LHFPL3: variants seen among roughly 807,000 people sequenced by gnomAD.
LHFPL3 encodes the protein LHFPL tetraspan subfamily member 3 protein.
LHFPL3 carries 5 observed loss-of-function variants against 19.3 expected under a neutral mutation model. The ratio of observed to expected loss-of-function variants is 0.26; its 90% CI spans 0.14 to 0.54. LHFPL3 has a LOEUF of 0.54. Ranked by LOEUF, LHFPL3 falls within the 20% of genes least tolerant of loss-of-function variation. The pLI is 0.94. For missense variants in LHFPL3, 249 were observed against 307.4 expected (o/e 0.81, Z 1.42); for synonymous variants, 133 against 126.2 (o/e 1.05, Z -0.36).
intron 1 of LHFPL3, among the ~76,000 whole-genome samples, chr7:104,635,821 G>C (rs192895062): frequency 4.7e-4 from 72 of 152,200 alleles, no homozygotes; most frequent in Non-Finnish European, 9.3e-4. Context: ...CCAGAGCTCA[G>C]TCCATCAAAG....
intron 1 of LHFPL3, among the ~76,000 whole-genome samples, chr7:104,730,573 C>T (rs11535280): frequency 0.14 from 20,598 of 150,874 alleles, 1,689 homozygotes; most frequent in Non-Finnish European, 0.18. Context: ...ATATCCTTCG[C>T]CCACTTTTTG....
chr7:104,891,469 G>C (rs1166036499), intron 2 of LHFPL3, among the ~76,000 whole-genome samples: 1 of 152,106 alleles, frequency 6.6e-6, no homozygotes, highest in African/African-American at 2.4e-5. Context: ...AGTGACAACA[G>C]CATTAATCCA....
intron 1 of LHFPL3, among the ~76,000 whole-genome samples, chr7:104,476,715 C>A (rs1192727399): frequency 1.3e-5 from 2 of 152,176 alleles, no homozygotes; most frequent in Non-Finnish European, 2.9e-5. Flanking sequence ...CCACCTCAGC[C>A]TCCCAGAGTG....
chr7:104,462,592 T>G (rs1290064624), intron 1 of LHFPL3, among the ~76,000 whole-genome samples: 1 of 152,260 alleles, frequency 6.6e-6, no homozygotes, highest in Non-Finnish European at 1.5e-5. Flanking sequence ...TGAAGCCTAT[T>G]TGATCATGGT....
chr7:104,725,508 C>A (rs1283173968), intron 1 of LHFPL3, among the ~76,000 whole-genome samples: 1 of 151,988 alleles, frequency 6.6e-6, no homozygotes, highest in Admixed American at 6.6e-5. Flanking sequence ...ATGTAAAAAA[C>A]ATTTCAAATA....
intron 1 of LHFPL3, among the ~76,000 whole-genome samples, chr7:104,660,285 G>A (rs1351171424): frequency 6.6e-6 from 1 of 152,218 alleles, no homozygotes; most frequent in East Asian, 1.9e-4. Context: ...ACAGGCGTGA[G>A]CCACCACGCC....
chr7:104,406,199 C>G (rs1183377861), intron 1 of LHFPL3, among the ~76,000 whole-genome samples: 1 of 152,144 alleles, frequency 6.6e-6, no homozygotes, highest in South Asian at 2.1e-4. Context: ...CTGGGATCCA[C>G]GAATGAGGTG....
intron 2 of LHFPL3, among the ~76,000 whole-genome samples, chr7:104,899,290 C>A (rs1444042853): frequency 1.3e-5 from 2 of 151,998 alleles, no homozygotes; most frequent in Non-Finnish European, 2.9e-5. Context: ...TAGAGTTACC[C>A]AGCTGGTAAG....
rs112719513 is a variant in LHFPL3 at position 104,383,027 on chromosome 7, A to G, written c.445+53803A>G. 2.8e-3 allele frequency among the ~76,000 whole-genome samples: 427 copies of G among 152,346 alleles called. 6 individuals carry two copies. The highest frequency in any genetic ancestry group is 2.2e-3 in the Non-Finnish European group (148 of 68,032). On this transcript the variant is annotated intron_variant, in intron 1 of 2. Transcript: ENST00000424859. ...CTGAGGCGCCGTGAGGCGCTAATACATGGCAGAGCCAGGCTCAGGTCCAGG... is the reference window on the plus strand; with the variant it reads ...CTGAGGCGCCGTGAGGCGCTAATACGTGGCAGAGCCAGGCTCAGGTCCAGG...
chr7:104,592,334 C>A (rs532820533), intron 1 of LHFPL3, among the ~76,000 whole-genome samples: 1 of 152,018 alleles, frequency 6.6e-6, no homozygotes, highest in Admixed American at 6.5e-5. Flanking sequence ...CTTAATTTTC[C>A]TTCTAACAGT....
intron 2 of LHFPL3, among the ~76,000 whole-genome samples, chr7:104,818,152 T>C (rs1428566737): frequency 6.6e-6 from 1 of 152,206 alleles, no homozygotes; most frequent in Non-Finnish European, 1.5e-5. Context: ...TTCAAAGCTC[T>C]TAGGAATGAG....
chr7:104,824,052 A>C (rs1790730692), intron 2 of LHFPL3, among the ~76,000 whole-genome samples: 1 of 140,364 alleles, frequency 7.1e-6, no homozygotes, highest in Admixed American at 7.8e-5. Flanking sequence ...AGGCTGAGGC[A>C]GGGGAATCAC....
At chr7:104,876,382 T>C (rs1791940422) in intron 2 of LHFPL3, among the ~76,000 whole-genome samples, 1 of 152,240 alleles carries the variant, frequency 6.6e-6, no homozygotes, top group Non-Finnish European at 1.5e-5. Context: ...TCTACTCATC[T>C]GACAAAGGCC....
At chr7:104,900,203 T>C (rs1254485191) in intron 2 of LHFPL3, among the ~76,000 whole-genome samples, 6 of 152,250 alleles carry the variant, frequency 3.9e-5, no homozygotes, top group African/African-American at 1.4e-4. Context: ...GATTTATAAA[T>C]CAGCAGCAAC....
intron 1 of LHFPL3, among the ~76,000 whole-genome samples, chr7:104,605,485 CTT>C (rs1791076459): frequency 6.6e-6 from 1 of 152,128 alleles, no homozygotes; most frequent in Non-Finnish European, 1.5e-5. Flanking sequence ...GTAGTGCAAA[CTT>C]ATACATTAGG....
At chr7:104,426,734 C>T (rs1013483125) in intron 1 of LHFPL3, among the ~76,000 whole-genome samples, 1 of 152,096 alleles carries the variant, frequency 6.6e-6, no homozygotes, top group African/African-American at 2.4e-5. Flanking sequence ...TCTTTTTCTC[C>T]AAAATATATT....
chr7:104,900,991 G>A (rs892269454), intron 2 of LHFPL3, among the ~76,000 whole-genome samples: 1 of 152,200 alleles, frequency 6.6e-6, no homozygotes, highest in African/African-American at 2.4e-5. Flanking sequence ...CATGGTGCAT[G>A]GGAAATGTTA....
chr7:104,429,309 T>TTTC (rs1411962857), intron 1 of LHFPL3, among the ~76,000 whole-genome samples: 1 of 142,914 alleles, frequency 7.0e-6, no homozygotes, highest in African/African-American at 2.7e-5. Context: ...TCCTTTTTTT[T>TTTC]TTTTTTTTTT....
intron 1 of LHFPL3, among the ~76,000 whole-genome samples, chr7:104,392,512 A>T (rs538571295): frequency 0.024 from 3,651 of 152,166 alleles, 128 homozygotes; most frequent in African/African-American, 0.083. Context: ...ATATTGAACC[A>T]GCCTTGCATC....
Sources: gnomAD v4.1 joint callset for allele counts (sites outside exome capture counted in the v4.1 genomes callset) on GRCh38, gnomAD v4.1.1 for gene constraint, MANE v1.5 for transcripts, NCBI Gene and HGNC (gene_info 2026-07-23, HGNC 2026-07-21) for gene names.